The following COL6A6 variants were observed in gnomAD, a reference collection of about 807,000 sequenced individuals.
COL6A6 encodes collagen type VI alpha 6 chain, also known as collagen alpha-6(VI) chain.
Under a neutral mutation model 208.6 loss-of-function variants are expected in COL6A6, and 183 were observed. The observed-to-expected ratio is 0.88, with a 90% CI of 0.78 to 0.99. The LOEUF (loss-of-function observed/expected upper bound fraction) is 0.99, where lower values mean the gene tolerates loss of function less well. Among genes scored for constraint, COL6A6 ranks in the 50% least tolerant of loss-of-function variants. The probability of loss-of-function intolerance (pLI) is 0.00; values close to 1 mark genes in which losing one functional copy is unlikely to be tolerated. For missense variants in COL6A6, 2,816 were observed against 2,815.2 expected, an observed-to-expected ratio of 1.00 and a Z score of -0.01; for synonymous variants, 973 against 1,011.8, an observed-to-expected ratio of 0.96 and a Z score of 0.73.
intron 20 of COL6A6, among the ~76,000 whole-genome samples, chr3:130,604,398 G>A (rs1015843276): frequency 6.6e-6 from 1 of 152,178 alleles, no homozygotes; most frequent in East Asian, 1.9e-4. Flanking sequence ...GGGAGGCTGA[G>A]GCAGGAGAAT....
At position 130,581,820 on chromosome 3, in the gene COL6A6, A is replaced by G. The variant is rs1219696234; in HGVS notation, c.3807A>G (p.Thr1269=). The change falls in exon 9 of 37, where the codon ACA becomes ACG. Residue 1269 remains threonine, a synonymous_variant. Transcript: ENST00000358511. ...TACTGAATAGCTTGAAGGATATAAC[A>G]GTTAAAGGACCATCTCTTCTCAATG... The part of the protein sequence containing the change: ...ENILNSLKDI[T]VKGPSLLNAN... The G allele has an allele frequency of 6.2e-7, 1 of 1,613,498 alleles. No individual in the cohort carries two copies. The highest frequency in any genetic ancestry group is 8.5e-7 in the Non-Finnish European group (1 of 1,179,388).
At chr3:130,568,736 T>A in intron 6 of COL6A6, 132 bp downstream of exon 6, 1 of 876,648 alleles carries the variant, frequency 1.1e-6, no homozygotes, top group Non-Finnish European at 1.7e-6. Flanking sequence ...CCTAGTGGCT[T>A]TGACCTGTTG....
rs2065947956 is a variant in COL6A6, at chr3:130,662,030, G to A, written c.6224G>A (p.Ser2075Asn). ...LQWTLDNVFL[S>N]TPNLRRNKVI... ...TGGACTCTGGACAATGTATTTTTAAGTACACCCAATCTGAGAAGAAACAAA... is the reference window on the plus strand; with the variant it reads ...TGGACTCTGGACAATGTATTTTTAAATACACCCAATCTGAGAAGAAACAAA... The change falls in exon 35 of 37, where the codon AGT becomes AAT. Residue 2075 changes from serine (S) to asparagine (N), a missense_variant. By Grantham distance (46) the Ser-to-Asn change is conservative. Transcript: ENST00000358511. 2 of 1,613,886 alleles carry A rather than the reference G, an allele frequency of 1.2e-6. No individual in the cohort carries two copies. The highest frequency in any genetic ancestry group is 1.7e-6 in the Non-Finnish European group (2 of 1,179,828).
chr3:130,622,202 T>TCC (rs1553711183), intron 24 of COL6A6, among the ~76,000 whole-genome samples: 30 of 57,052 alleles, frequency 5.3e-4, no homozygotes, highest in South Asian at 1.9e-3. Flanking sequence ...TCCCCCCGCC[T>TCC]ACCCCCCCCT....
chr3:130,568,823 T>A (rs562804819), intron 6 of COL6A6, among the ~76,000 whole-genome samples: 1 of 152,334 alleles, frequency 6.6e-6, no homozygotes, highest in South Asian at 2.1e-4. Flanking sequence ...ACTACAGTGA[T>A]GGATCTCCAT....
At chr3:130,624,730 T>C (rs2064833551) in intron 24 of COL6A6, among the ~76,000 whole-genome samples, 1 of 152,056 alleles carries the variant, frequency 6.6e-6, no homozygotes, top group African/African-American at 2.4e-5. Context: ...TACAAAAGAC[T>C]TGGTCAGGGG....
chr3:130,656,149 C>T (rs2065783830), intron 33 of COL6A6, among the ~76,000 whole-genome samples: 1 of 152,238 alleles, frequency 6.6e-6, no homozygotes, highest in Non-Finnish European at 1.5e-5. Context: ...TCTCTCTCCT[C>T]TCCTCTCTCC....
chr3:130,642,937 G>T, intron 30 of COL6A6, 50 bp from the exon 31 acceptor site: 1 of 1,612,930 alleles, frequency 6.2e-7, no homozygotes, highest in Non-Finnish European at 8.5e-7. Flanking sequence ...TAAACCTCAG[G>T]GCCTAGCAGT....
At chr3:130,612,490 G>C (rs983927101) in intron 23 of COL6A6, among the ~76,000 whole-genome samples, 1 of 152,072 alleles carries the variant, frequency 6.6e-6, no homozygotes, top group Non-Finnish European at 1.5e-5. Context: ...TCTCACTGTG[G>C]TTTTGATTTT....
At chr3:130,544,055 A>G (rs759104361) in intron 1 of COL6A6, among the ~76,000 whole-genome samples, 13 of 152,224 alleles carry the variant, frequency 8.5e-5, no homozygotes, top group Non-Finnish European at 1.5e-4. Context: ...TTGTGACTAC[A>G]ATAGTATATT....
chr3:130,543,261 A>G (rs2062416414), intron 1 of COL6A6, among the ~76,000 whole-genome samples: 1 of 152,182 alleles, frequency 6.6e-6, no homozygotes. Context: ...TGTGCAGAAC[A>G]TATAGTGAGA....
rs748345271 is a variant in COL6A6 at position 130,594,265 on chromosome 3, T to C, written c.4471-16T>C. 3 of 1,595,372 alleles carry C rather than the reference T, an allele frequency of 1.9e-6. No homozygotes were observed. The Admixed American group carries it at 5.0e-5, about 27-fold the overall frequency. ...ACTTCTTGTCTTGTTTTTCTTCTGA[T>C]TTGTATTAACTTTAGGGAAGCCCAG... On this transcript the variant is annotated splice_polypyrimidine_tract_variant and intron_variant, in intron 17 of 36. Coordinates refer to ENST00000358511, the MANE Select transcript of COL6A6 (RefSeq NM_001102608.3).
At chr3:130,562,205 A>C (rs2062906476) in intron 2 of COL6A6, among the ~76,000 whole-genome samples, 1 of 152,224 alleles carries the variant, frequency 6.6e-6, no homozygotes, top group African/African-American at 2.4e-5. Flanking sequence ...GTTTGAATCC[A>C]ATGATTCTAT....
intron 8 of COL6A6, 120 bp downstream of exon 8, chr3:130,574,645 C>G (rs1164231143): frequency 5.2e-6 from 4 of 768,442 alleles, no homozygotes; most frequent in Non-Finnish European, 8.3e-6. Context: ...CTCTGGATTT[C>G]AAATTGAGCT....
At chr3:130,533,005 G>A (rs867331171) in intron 1 of COL6A6, among the ~76,000 whole-genome samples, 25 of 152,194 alleles carry the variant, frequency 1.6e-4, no homozygotes, top group Middle Eastern at 3.4e-3. Flanking sequence ...AGTGCCTCAG[G>A]AGCCTACATG....
intron 34 of COL6A6, among the ~76,000 whole-genome samples, chr3:130,660,148 A>G (rs1486816613): frequency 1.3e-5 from 2 of 152,210 alleles, no homozygotes; most frequent in African/African-American, 4.8e-5. Context: ...TTCTTGGCTT[A>G]AACCCTTGTT....
At chr3:130,564,800 A>C (rs2062976505) in intron 3 of COL6A6, among the ~76,000 whole-genome samples, 194 bp from the exon 4 acceptor site, 2 of 152,240 alleles carry the variant, frequency 1.3e-5, no homozygotes, top group Non-Finnish European at 2.9e-5. Flanking sequence ...AGATGAGGAA[A>C]TTGAAGCCGG....
At chr3:130,590,278 TATATATATATATATATATATA>T (rs1329602266) in intron 12 of COL6A6, among the ~76,000 whole-genome samples, 7 of 21,420 alleles carry the variant, frequency 3.3e-4, no homozygotes, top group South Asian at 1.5e-3. Flanking sequence ...TATATATATA[TATATATATATATATATATATA>T]TTTTTTTTTT....
At chr3:130,635,392 AC>A (rs796154710) in intron 27 of COL6A6, among the ~76,000 whole-genome samples, 6 of 152,272 alleles carry the variant, frequency 3.9e-5, no homozygotes, top group African/African-American at 1.4e-4. Context: ...TTTTCTAGAA[AC>A]CCTTACTGAA....
Sources: allele counts gnomAD v4.1 joint callset (sites outside exome capture counted in the v4.1 genomes callset), GRCh38; gene constraint gnomAD v4.1.1; transcripts MANE v1.5; gene names NCBI Gene and HGNC (gene_info 2026-07-23, HGNC 2026-07-21).